Variants in RRN3 observed in about 807,000 individuals in gnomAD.
RRN3 encodes the protein RNA polymerase I-specific transcription initiation factor RRN3.
A neutral mutation model predicts 82.3 loss-of-function variants in RRN3; 38 were observed. That is an observed-to-expected ratio of 0.46 (90% CI 0.36 to 0.61). RRN3 has a LOEUF of 0.61. RRN3 is among the 20% of genes least tolerant of loss of function. RRN3 has a pLI of 0.00. For synonymous variants in RRN3, 284 were observed against 284.3 expected (o/e 1.00, Z 0.01); for missense variants, 726 against 793.1 (o/e 0.92, Z 1.02).
intron 15 of RRN3, among the ~76,000 whole-genome samples, chr16:15,067,715 T>A (rs1239758460): frequency 6.6e-6 from 1 of 152,056 alleles, no homozygotes; most frequent in South Asian, 2.1e-4. Context: ...CATCAAAGTA[T>A]AAAAACAATA....
chr16:15,067,095 A>C (rs910560338), intron 15 of RRN3, among the ~76,000 whole-genome samples: 2 of 147,264 alleles, frequency 1.4e-5, no homozygotes, highest in Non-Finnish European at 3.0e-5. Flanking sequence ...TGGTCTCTTT[A>C]TGCCTTTTCC....
chr16:15,090,272 T>C (rs2046080023), intron 3 of RRN3, among the ~76,000 whole-genome samples: 1 of 151,384 alleles, frequency 6.6e-6, no homozygotes, highest in Admixed American at 6.6e-5. Flanking sequence ...GTCAGGGTAA[T>C]TACTACAGTG....
At position 15,093,465 on chromosome 16, in the gene RRN3, C is replaced by T. The variant is rs575435913; in HGVS notation, c.89+680G>A. ...ATTGGCCTATGTACTGCCTTTCCCC[C>T]CTATGCTGTAAGCTCTGTAGAAAGC... On this transcript the variant is annotated intron_variant, in intron 1 of 17. Coordinates refer to ENST00000198767, the MANE Select transcript of RRN3 (RefSeq NM_018427.5). Among the ~76,000 whole-genome samples, 19 of 152,314 alleles carry T rather than the reference C, an allele frequency of 1.2e-4. No individual in the cohort carries two copies. In the South Asian group the frequency reaches 3.7e-3, roughly 30 times the overall value.
chr16:15,073,271 G>A (rs1371207451), intron 11 of RRN3, among the ~76,000 whole-genome samples, 191 bp from the exon 12 acceptor site: 2 of 152,104 alleles, frequency 1.3e-5, no homozygotes, highest in Admixed American at 1.3e-4. Flanking sequence ...GCAGCCTGGG[G>A]AACACAGGGA....
In RRN3 at chr16:15,061,394, C is replaced by T. The variant is rs565762907; in HGVS notation, c.*350G>A. The T allele has an allele frequency of 1.2e-4, 28 of 241,576 alleles. No individual in the cohort carries two copies. The East Asian group carries it at 1.3e-3, about 11-fold the overall frequency. 15.0% of individuals were successfully genotyped at this position (241,576 alleles called of 1,614,324 possible). ...ACAAAAACCCATGTTAAAACAGCAA[C>T]CCGTAAAACAGTCTGCTGCCTATAT... is the stretch of plus-strand genomic sequence containing the variant. On this transcript the variant is annotated 3_prime_UTR_variant, in exon 18 of 18. Transcript: ENST00000198767.
intron 9 of RRN3, among the ~76,000 whole-genome samples, chr16:15,078,818 T>TC (rs1321607255): frequency 2.7e-5 from 4 of 149,960 alleles, no homozygotes; most frequent in Admixed American, 6.6e-5. Flanking sequence ...TTTTCTTTTT[T>TC]TTTTTTTTTT....
chr16:15,065,255 T>C lies in RRN3; in HGVS notation c.1670A>G (p.Asp557Gly). The C allele has an allele frequency of 6.2e-7, 1 of 1,613,594 alleles. No homozygotes were observed. The stretch of plus-strand genomic sequence containing the variant: ...ACAGGGATCAAAGGGGAAGAAGGTG[T>C]CCAGCGGGTTTGTGCAGATCTGCAC... ...DSVQICTNPLDTFFPFDPCVL... is the reference protein window; with the variant it reads ...DSVQICTNPLGTFFPFDPCVL... Residue 557 changes from aspartate to glycine, a missense_variant, in exon 16 of 18, where the codon GAC becomes GGC. By Grantham distance (94) the Asp-to-Gly change is moderately conservative. Transcript: ENST00000198767.
At chr16:15,092,072 G>A (rs537743101) in intron 2 of RRN3, among the ~76,000 whole-genome samples, 25 of 152,182 alleles carry the variant, frequency 1.6e-4, no homozygotes, top group African/African-American at 3.9e-4. Flanking sequence ...CCACCTATTC[G>A]GAAGACTGAG....
At chr16:15,093,010 A>AT (rs557028723) in intron 1 of RRN3, among the ~76,000 whole-genome samples, 104 of 148,324 alleles carry the variant, frequency 7.0e-4, no homozygotes, top group South Asian at 2.6e-3. Context: ...ACGTGGCTGG[A>AT]TTTTTTTTTT....
chr16:15,091,169 T>C (rs1379264670), intron 3 of RRN3, 146 bp downstream of exon 3: 1 of 739,476 alleles, frequency 1.4e-6, no homozygotes. Context: ...GGGGTAAAAC[T>C]GTCCCTGGTT....
intron 14 of RRN3, 128 bp from the exon 15 acceptor site, chr16:15,068,405 A>C (rs1567191740): frequency 7.2e-6 from 9 of 1,249,448 alleles, no homozygotes; most frequent in Admixed American, 5.8e-5. Context: ...GAAATGCTTT[A>C]AATAAAGGTC....
chr16:15,079,296 G>A (rs2045599173), intron 9 of RRN3, among the ~76,000 whole-genome samples: 1 of 152,090 alleles, frequency 6.6e-6, no homozygotes, highest in Admixed American at 6.5e-5. Context: ...CTGCACCTTA[G>A]TGCGGGCCTC....
chr16:15,074,583 T>G, intron 11 of RRN3, 140 bp downstream of exon 11: 1 of 525,330 alleles, frequency 1.9e-6, no homozygotes, highest in Non-Finnish European at 3.1e-6. Context: ...TAACTTGACC[T>G]CTTTAAATCA....
chr16:15,087,329 T>C (rs1313042327), intron 3 of RRN3, among the ~76,000 whole-genome samples: 1 of 152,188 alleles, frequency 6.6e-6, no homozygotes, highest in Non-Finnish European at 1.5e-5. Context: ...CTCTGCAAGA[T>C]GTTTAGTTAT....
intron 15 of RRN3, among the ~76,000 whole-genome samples, chr16:15,066,923 G>A (rs1343704240): frequency 1.3e-5 from 2 of 151,836 alleles, no homozygotes; most frequent in African/African-American, 2.4e-5. Flanking sequence ...CAAATCGAGA[G>A]CCCCTGGACC....
rs535275689 is a variant in RRN3 at position 15,093,312 on chromosome 16, T to C, written c.90-698A>G. On this transcript the variant is annotated intron_variant, in intron 1 of 17. Transcript: ENST00000198767. ...AGCAACCGCGCCCGGCCTAGATTTT[T>C]GTCTTCATTCAAGTGGAAGCTCAAA... Among the ~76,000 whole-genome samples the C allele has an allele frequency of 2.0e-5, 3 of 152,322 alleles. No individual in the cohort carries two copies. The South Asian group carries it at 6.2e-4, about 32-fold the overall frequency.
intron 14 of RRN3, 88 bp downstream of exon 14, chr16:15,069,982 T>C (rs1257064237): frequency 7.2e-7 from 1 of 1,392,938 alleles, no homozygotes; most frequent in African/African-American, 1.5e-5. Flanking sequence ...CCAGTTTTTA[T>C]AAAAATCTCA....
chr16:15,088,839 G>A (rs1231266775), intron 3 of RRN3, among the ~76,000 whole-genome samples: 5 of 152,116 alleles, frequency 3.3e-5, no homozygotes, highest in Non-Finnish European at 7.4e-5. Flanking sequence ...AACCAGATCT[G>A]TAACTAGAGA....
rs1276027498 is a variant in RRN3, at chr16:15,086,144, A to C, written c.457T>G (p.Ser153Ala). 2 of 1,600,834 alleles carry C rather than the reference A, an allele frequency of 1.2e-6. No individual in the cohort carries two copies. The highest frequency in any genetic ancestry group is 2.3e-5 in the South Asian group (2 of 88,374). Reference sequence around the variant, plus strand: ...AATGACTTACGAGGCACAAAATGGGAAGCAATCATGCTGAGACACGGTCTG... The same window carrying C: ...AATGACTTACGAGGCACAAAATGGGCAGCAATCATGCTGAGACACGGTCTG... ...FLRPCLSMIA[S>A]HFVPPRVIIK... The change falls in exon 5 of 18, where the codon TCC (serine) becomes GCC (alanine). Residue 153 changes from serine (S) to alanine (A), a missense_variant. Physicochemically the swap from Ser to Ala is moderately conservative, Grantham distance 99. Coordinates refer to ENST00000198767, the MANE Select transcript of RRN3 (RefSeq NM_018427.5).
Sources: gnomAD v4.1 joint callset for allele counts (sites outside exome capture counted in the v4.1 genomes callset) on GRCh38, gnomAD v4.1.1 for gene constraint, MANE v1.5 for transcripts, NCBI Gene and HGNC (gene_info 2026-07-23, HGNC 2026-07-21) for gene names.